Variants in DYNC1I2 observed in about 807,000 individuals in gnomAD.
DYNC1I2 encodes dynein cytoplasmic 1 intermediate chain 2.
A neutral mutation model predicts 88.6 loss-of-function variants in DYNC1I2; 53 were observed. That is an observed-to-expected ratio of 0.60 (90% CI 0.48 to 0.75). DYNC1I2 has a LOEUF of 0.75. DYNC1I2 is among the 30% of genes least tolerant of loss of function. The pLI is 0.00. For synonymous variants in DYNC1I2, 198 were observed against 254.6 expected, an observed-to-expected ratio of 0.78 and a Z score of 2.12; for missense variants, 458 against 766.6, an observed-to-expected ratio of 0.60 and a Z score of 4.75.
At chr2:171,712,945 A>G in intron 6 of DYNC1I2, 119 bp downstream of exon 6, 1 of 817,716 alleles carries the variant, frequency 1.2e-6, no homozygotes, top group South Asian at 1.7e-5. Flanking sequence ...GACAAGAGTT[A>G]TATTTTACTG....
At chr2:171,716,141 A>G (rs1049017107) in intron 7 of DYNC1I2, among the ~76,000 whole-genome samples, 3 of 152,132 alleles carry the variant, frequency 2.0e-5, no homozygotes, top group African/African-American at 7.2e-5. Context: ...GAGATCCCTA[A>G]TACACTTCAC....
intron 5 of DYNC1I2, among the ~76,000 whole-genome samples, chr2:171,709,351 C>T (rs1055713394): frequency 5.3e-5 from 8 of 152,138 alleles, no homozygotes; most frequent in Admixed American, 2.0e-4. Flanking sequence ...TAAATTAATA[C>T]AGGGAGTAAT....
At chr2:171,704,744 G>A (rs1023976703) in intron 3 of DYNC1I2, among the ~76,000 whole-genome samples, 2 of 152,196 alleles carry the variant, frequency 1.3e-5, no homozygotes, top group Non-Finnish European at 2.9e-5. Context: ...TTTGTTCTCA[G>A]GGGTTTATTG....
chr2:171,710,134 C>CAT (rs1462894710), intron 5 of DYNC1I2, among the ~76,000 whole-genome samples: 1 of 142,534 alleles, frequency 7.0e-6, no homozygotes, highest in African/African-American at 2.8e-5. Context: ...CACACACACA[C>CAT]ACACACACAC....
At chr2:171,736,907 G>C (rs1343444943) in intron 15 of DYNC1I2, among the ~76,000 whole-genome samples, 1 of 152,092 alleles carries the variant, frequency 6.6e-6, no homozygotes, top group Admixed American at 6.5e-5. Context: ...GACTATCTTT[G>C]TTATTAATCT....
At chr2:171,710,699 C>CA (rs1687053405) in intron 5 of DYNC1I2, among the ~76,000 whole-genome samples, 1 of 138,980 alleles carries the variant, frequency 7.2e-6, no homozygotes, top group South Asian at 2.3e-4. Flanking sequence ...TCCTTTTTTC[C>CA]TTTTTTTTTT....
chr2:171,724,451 T>C (rs1688105692), intron 7 of DYNC1I2, among the ~76,000 whole-genome samples: 1 of 152,164 alleles, frequency 6.6e-6, no homozygotes, highest in South Asian at 2.1e-4. Context: ...GGAAGAATGT[T>C]ATGCCATCCC....
chr2:171,724,134 A>G (rs1402365178), intron 7 of DYNC1I2, among the ~76,000 whole-genome samples: 2 of 152,230 alleles, frequency 1.3e-5, no homozygotes, highest in African/African-American at 4.8e-5. Context: ...ATTTCAAGTA[A>G]TGTAGGATTG....
rs1211307996 is a variant in DYNC1I2 at position 171,749,209 on chromosome 2, G to A, written c.*1320G>A. The stretch of plus-strand genomic sequence containing the variant: ...GCCCCAAACTCTGATTCTTGCTGAA[G>A]CATCTATGAGAAGTGTGATTTTAGC... On this transcript the variant is annotated 3_prime_UTR_variant, in exon 18 of 18. Coordinates refer to ENST00000397119, the MANE Select transcript of DYNC1I2 (RefSeq NM_001378.3). Among the ~76,000 whole-genome samples, 1 of 152,092 alleles carries A rather than the reference G, an allele frequency of 6.6e-6. No individual in the cohort carries two copies. The highest frequency in any genetic ancestry group is 1.5e-5 in the Non-Finnish European group (1 of 67,956).
chr2:171,703,829 T>A (rs1030149029), intron 3 of DYNC1I2, among the ~76,000 whole-genome samples: 1 of 152,194 alleles, frequency 6.6e-6, no homozygotes, highest in Non-Finnish European at 1.5e-5. Flanking sequence ...TAACGTGGAC[T>A]GTGTTTGAGT....
At position 171,744,136 on chromosome 2, in the gene DYNC1I2, T is replaced by A. The variant is rs1689630948; in HGVS notation, c.1624T>A (p.Cys542Ser). 6.2e-7 allele frequency: 1 copy of A among 1,613,540 alleles called. No homozygotes were observed. Among genetic ancestry groups the A allele is most frequent in the South Asian group, 1.1e-5 (1 of 90,956 alleles). Residue 542 changes from cysteine to serine, a missense_variant, in exon 16 of 18, where the codon TGT becomes AGT. Cys to Ser is a moderately radical substitution (Grantham distance 112, BLOSUM62 -1). Transcript: ENST00000397119. ...ACCTACCCACCCAGCCCTGTTTGCC[T>A]GTGTGGATGGCATGGGGAGATTGGA... is the stretch of plus-strand genomic sequence containing the variant. ...WSPTHPALFACVDGMGRLDLW... is the reference protein window; with the variant it reads ...WSPTHPALFASVDGMGRLDLW...
intron 3 of DYNC1I2, among the ~76,000 whole-genome samples, chr2:171,698,988 C>T (rs1007618999): frequency 1.3e-5 from 2 of 152,082 alleles, no homozygotes; most frequent in Admixed American, 1.3e-4. Flanking sequence ...TGTGAGCCAC[C>T]ACTCCTGGCC....
At chr2:171,708,242 A>T (rs1487970362) in intron 5 of DYNC1I2, among the ~76,000 whole-genome samples, 7 of 152,182 alleles carry the variant, frequency 4.6e-5, no homozygotes, top group African/African-American at 1.4e-4. Flanking sequence ...TTTTAATAAG[A>T]CATAAGCTGT....
At chr2:171,745,531 C>A (rs1399451027) in intron 16 of DYNC1I2, among the ~76,000 whole-genome samples, 1 of 152,106 alleles carries the variant, frequency 6.6e-6, no homozygotes, top group Non-Finnish European at 1.5e-5. Context: ...AAAAAGGATT[C>A]TTTATTCAAG....
Position 171,731,977 on chromosome 2 carries a change from A to G in DYNC1I2, c.1536+2124A>G, listed in dbSNP as rs146231093. On this transcript the variant is annotated intron_variant, in intron 15 of 17. Transcript: ENST00000397119. The stretch of plus-strand genomic sequence containing the variant: ...TGCCTGGTGATAGGGTGTGCTCCTT[A>G]CAATTTTCACTTTGCAAAACATTTA... Among the ~76,000 whole-genome samples the G allele has an allele frequency of 5.3e-5, 8 of 152,304 alleles. No homozygotes were observed. The East Asian group carries it at 1.4e-3, about 26-fold the overall frequency.
Position 171,728,296 on chromosome 2 carries a change from T to C in DYNC1I2, c.1144-9T>C, listed in dbSNP as rs780912317. 7.3e-6 allele frequency: 11 copies of C among 1,503,890 alleles called. No individual in the cohort carries two copies. The highest frequency in any genetic ancestry group is 9.8e-6 in the Non-Finnish European group (11 of 1,124,710). The allele number at this position is 1,503,890 out of a possible 1,614,324, so 93.2% of individuals were successfully genotyped here. A position where few individuals can be genotyped will look rare whatever the true frequency, so the allele number is the denominator to read the frequency against. ...AATAATCCCTGAAAACTTTTTTTAA[T>C]ATCTCTAGCACCCTGTATATTGTGT... On this transcript the variant is annotated splice_polypyrimidine_tract_variant and intron_variant, in intron 12 of 17. Coordinates refer to ENST00000397119, the MANE Select transcript of DYNC1I2 (RefSeq NM_001378.3).
chr2:171,707,562 T>C (rs1341090865), intron 5 of DYNC1I2, among the ~76,000 whole-genome samples, 185 bp downstream of exon 5: 1 of 152,202 alleles, frequency 6.6e-6, no homozygotes, highest in Non-Finnish European at 1.5e-5. Context: ...TTTTTTTTAA[T>C]AATATTTTAA....
intron 3 of DYNC1I2, among the ~76,000 whole-genome samples, chr2:171,701,746 G>A (rs1686274561): frequency 6.6e-6 from 1 of 152,148 alleles, no homozygotes; most frequent in African/African-American, 2.4e-5. Flanking sequence ...AGACAGTGGG[G>A]AAGGTAGCAT....
intron 7 of DYNC1I2, 81 bp downstream of exon 7, chr2:171,715,524 G>A (rs1687429059): frequency 3.0e-6 from 3 of 994,440 alleles, no homozygotes; most frequent in Non-Finnish European, 4.3e-6. Context: ...TTTGATTTTT[G>A]TTTTGTTTCT....
Sources: allele counts gnomAD v4.1 joint callset (sites outside exome capture counted in the v4.1 genomes callset), GRCh38; gene constraint gnomAD v4.1.1; transcripts MANE v1.5; gene names NCBI Gene and HGNC (gene_info 2026-07-23, HGNC 2026-07-21).